The following EFHD1 variants were observed in gnomAD, a reference collection of about 807,000 sequenced individuals.
EFHD1 encodes EF-hand domain family member D1.
EFHD1 carries 10 observed loss-of-function variants against 17.2 expected under a neutral mutation model. That is an observed-to-expected ratio of 0.58 (90% CI 0.36 to 0.99). The LOEUF (loss-of-function observed/expected upper bound fraction) is 0.99. EFHD1 is among the 50% of genes least tolerant of loss of function. The pLI is 0.01. For synonymous variants in EFHD1, 153 were observed against 142.0 expected (o/e 1.08, Z -0.55); for missense variants, 310 against 327.5 (o/e 0.95, Z 0.41).
At chr2:232,670,974 G>T (rs908079363) in intron 2 of EFHD1, among the ~76,000 whole-genome samples, 1 of 152,102 alleles carries the variant, frequency 6.6e-6, no homozygotes, top group Non-Finnish European at 1.5e-5. Flanking sequence ...GTATATACAG[G>T]TTTATTTGAT....
chr2:232,608,616 A>G (rs1480521120), intron 1 of EFHD1, among the ~76,000 whole-genome samples: 1 of 152,162 alleles, frequency 6.6e-6, no homozygotes, highest in Non-Finnish European at 1.5e-5. Context: ...CTTGATCAGC[A>G]TTGCAAAGAG....
chr2:232,673,195 G>A (rs1312193609), intron 3 of EFHD1, among the ~76,000 whole-genome samples: 5 of 152,226 alleles, frequency 3.3e-5, no homozygotes, highest in African/African-American at 1.2e-4. Flanking sequence ...AGTGAAGAAA[G>A]CAAGTGCCAC....
At chr2:232,623,273 T>C (rs1694050347) in intron 1 of EFHD1, among the ~76,000 whole-genome samples, 1 of 152,048 alleles carries the variant, frequency 6.6e-6, no homozygotes, top group African/African-American at 2.4e-5. Context: ...CTCAAACTCC[T>C]AGACACAATC....
intron 1 of EFHD1, among the ~76,000 whole-genome samples, chr2:232,645,666 C>T (rs894305246): frequency 6.6e-5 from 10 of 152,150 alleles, no homozygotes; most frequent in African/African-American, 2.2e-4. Context: ...CATTGGGTAT[C>T]CCTAATGCCA....
chr2:232,627,869 TTTG>T (rs982326072), intron 1 of EFHD1, among the ~76,000 whole-genome samples: 2 of 152,104 alleles, frequency 1.3e-5, no homozygotes, highest in African/African-American at 4.8e-5. Flanking sequence ...CCTTTTTTTG[TTTG>T]TTATTTTTTT....
chr2:232,633,950 G>A lies in EFHD1; in HGVS notation c.246G>A (p.Thr82=), dbSNP rs770274885. ...PRRCRVFNPY[T]EFPEFSRRLI... is the part of the protein sequence containing the mutation. Reference sequence around the variant, plus strand: ...GCTGCAGGGTCTTCAACCCCTACACGGAGTTCCCGGAGTTCAGCCGCCGCC... The same window carrying A: ...GCTGCAGGGTCTTCAACCCCTACACAGAGTTCCCGGAGTTCAGCCGCCGCC... The change falls in exon 1 of 4, where the codon ACG becomes ACA. Residue 82 remains threonine (T), a synonymous_variant. Transcript: ENST00000264059. The A allele has an allele frequency of 1.3e-6, 2 of 1,597,582 alleles. No individual in the cohort carries two copies. Among genetic ancestry groups the A allele is most frequent in the South Asian group, 1.1e-5 (1 of 91,056 alleles).
chr2:232,609,508 G>T (rs931642629), intron 1 of EFHD1, among the ~76,000 whole-genome samples: 2 of 152,196 alleles, frequency 1.3e-5, no homozygotes, highest in Non-Finnish European at 2.9e-5. Flanking sequence ...AAGTGTGCCA[G>T]GCATGGTGTT....
intron 1 of EFHD1, among the ~76,000 whole-genome samples, chr2:232,613,010 G>A (rs1279593619): frequency 6.6e-6 from 1 of 152,028 alleles, no homozygotes; most frequent in Non-Finnish European, 1.5e-5. Flanking sequence ...TGGGATTACA[G>A]GTGTGAGCAA....
intron 3 of EFHD1, among the ~76,000 whole-genome samples, chr2:232,675,410 C>T (rs899805252): frequency 1.3e-5 from 2 of 152,174 alleles, no homozygotes; most frequent in South Asian, 4.1e-4. Flanking sequence ...TCCAGCCTCC[C>T]TGAGGCTGAG....
At chr2:232,648,333 C>T (rs1694571317) in intron 1 of EFHD1, among the ~76,000 whole-genome samples, 1 of 152,150 alleles carries the variant, frequency 6.6e-6, no homozygotes, top group Non-Finnish European at 1.5e-5. Context: ...CTCTGAGTCC[C>T]CTGGCCCTTT....
chr2:232,670,154 C>T (rs1336070221), intron 2 of EFHD1, among the ~76,000 whole-genome samples: 1 of 152,006 alleles, frequency 6.6e-6, no homozygotes, highest in African/African-American at 2.4e-5. Context: ...GGGAAATTGC[C>T]ATTTAAGTTT....
At chr2:232,673,064 T>TTAAC (rs1215814951) in intron 3 of EFHD1, among the ~76,000 whole-genome samples, 2 of 152,344 alleles carry the variant, frequency 1.3e-5, no homozygotes, top group East Asian at 3.9e-4. Flanking sequence ...CCTTCCTGAC[T>TTAAC]TAACATTGAT....
Position 232,664,457 on chromosome 2 carries a change from T to TA in EFHD1, c.450+1516dup, listed in dbSNP as rs1052753820. Among the ~76,000 whole-genome samples, 17 of 151,754 alleles carry TA rather than the reference T, an allele frequency of 1.1e-4. No homozygotes were observed. The East Asian group carries it at 3.3e-3, about 29-fold the overall frequency. ...CATGCAAAAATTGTTTATTTTTTATTAAAAAAAATTTTGTGGTTGTTTATA... is the reference window on the plus strand; with the variant it reads ...CATGCAAAAATTGTTTATTTTTTATTAAAAAAAAATTTTGTGGTTGTTTATA... On this transcript the variant is annotated intron_variant, in intron 2 of 3. Transcript: ENST00000264059.
intron 1 of EFHD1, among the ~76,000 whole-genome samples, chr2:232,646,088 C>A (rs1349115982): frequency 6.6e-6 from 1 of 152,202 alleles, no homozygotes; most frequent in Non-Finnish European, 1.5e-5. Flanking sequence ...CTGGCCTCCC[C>A]CATCCGTCCA....
chr2:232,625,303 ATT>A (rs3085874), intron 1 of EFHD1, among the ~76,000 whole-genome samples: 4 of 141,868 alleles, frequency 2.8e-5, no homozygotes, highest in Non-Finnish European at 3.1e-5. Context: ...TAATTTAAAC[ATT>A]TTTTTTTTTT....
At chr2:232,660,480 G>A (rs553683712) in intron 1 of EFHD1, among the ~76,000 whole-genome samples, 14 of 152,060 alleles carry the variant, frequency 9.2e-5, no homozygotes, top group African/African-American at 2.7e-4. Context: ...GATTACAGGT[G>A]TGAGCCACTG....
chr2:232,634,197 G>A (rs1158813916), intron 1 of EFHD1, among the ~76,000 whole-genome samples, 191 bp downstream of exon 1: 1 of 152,246 alleles, frequency 6.6e-6, no homozygotes, highest in South Asian at 2.1e-4. Flanking sequence ...GAAGAGGGGG[G>A]ACACCAGGAG....
rs1352715021 is a variant in EFHD1 at position 232,638,686 on chromosome 2, ATCTT to A, written c.302+4682_302+4685del. 2.0e-5 allele frequency among the ~76,000 whole-genome samples: 3 copies of A among 152,214 alleles called. No homozygotes were observed. In the East Asian group the frequency reaches 5.8e-4, roughly 29 times the overall value. ...AGGCTGCCTGCATACTGGCATCCTG[ATCTT>A]TTGAGTGAATTGACTCTAAAAATGG... On this transcript the variant is annotated intron_variant, in intron 1 of 3. Coordinates refer to ENST00000264059, the MANE Select transcript of EFHD1 (RefSeq NM_025202.4).
chr2:232,632,487 C>T (rs779876454), upstream of EFHD1, among the ~76,000 whole-genome samples: 8 of 152,218 alleles, frequency 5.3e-5, no homozygotes, highest in African/African-American at 1.9e-4. Flanking sequence ...CAACGCCTGG[C>T]TGATGTAACA....
Sources: gnomAD v4.1 joint callset for allele counts (sites outside exome capture counted in the v4.1 genomes callset) on GRCh38, gnomAD v4.1.1 for gene constraint, MANE v1.5 for transcripts, NCBI Gene and HGNC (gene_info 2026-07-23, HGNC 2026-07-21) for gene names.